The following CNTN5 variants were observed in gnomAD, a reference collection of about 807,000 sequenced individuals.
CNTN5 encodes the protein contactin 5.
CNTN5 carries 77 observed loss-of-function variants against 129.1 expected under a neutral mutation model. The ratio of observed to expected loss-of-function variants is 0.60; its 90% CI spans 0.50 to 0.72. The LOEUF is 0.72. Among genes scored for constraint, CNTN5 ranks in the 30% least tolerant of loss-of-function variants. The probability of loss-of-function intolerance (pLI) is 0.00; values close to 1 mark genes in which losing one functional copy is unlikely to be tolerated. For synonymous variants in CNTN5, 509 were observed against 465.6 expected, an observed-to-expected ratio of 1.09 and a Z score of -1.20; for missense variants, 1,478 against 1,328.8, an observed-to-expected ratio of 1.11 and a Z score of -1.75.
At chr11:99,526,780 T>C (rs539284385) in intron 2 of CNTN5, among the ~76,000 whole-genome samples, 12 of 152,362 alleles carry the variant, frequency 7.9e-5, no homozygotes, top group Non-Finnish European at 1.5e-4. Flanking sequence ...TATGTGTACA[T>C]TTGTTTTCAT....
At chr11:99,797,032 C>T (rs891201394) in intron 3 of CNTN5, among the ~76,000 whole-genome samples, 1 of 152,030 alleles carries the variant, frequency 6.6e-6, no homozygotes, top group African/African-American at 2.4e-5. Flanking sequence ...GCAGGATTCC[C>T]CATGTCCTCC....
chr11:99,410,570 A>G (rs1942347023), intron 2 of CNTN5, among the ~76,000 whole-genome samples: 1 of 151,468 alleles, frequency 6.6e-6, no homozygotes, highest in South Asian at 2.1e-4. Context: ...AAACCAGAGA[A>G]GAAGAGAGAG....
chr11:100,149,828 A>AGCTT (rs1946991488), intron 13 of CNTN5, among the ~76,000 whole-genome samples: 1 of 147,980 alleles, frequency 6.8e-6, no homozygotes, highest in African/African-American at 2.5e-5. Flanking sequence ...CATGAGGTGG[A>AGCTT]GCTTGCAGTG....
chr11:100,014,616 A>G (rs770825465), intron 9 of CNTN5, among the ~76,000 whole-genome samples: 1 of 152,122 alleles, frequency 6.6e-6, no homozygotes, highest in Non-Finnish European at 1.5e-5. Context: ...TTAAAAATAC[A>G]TAGATTTTTA....
intron 1 of CNTN5, among the ~76,000 whole-genome samples, chr11:99,177,800 A>G (rs927509816): frequency 1.3e-5 from 2 of 152,238 alleles, no homozygotes; most frequent in African/African-American, 2.4e-5. Flanking sequence ...GACCAAAACA[A>G]AGTGCAGGAT....
At chr11:99,993,569 G>C (rs753554024) in intron 8 of CNTN5, among the ~76,000 whole-genome samples, 3 of 152,036 alleles carry the variant, frequency 2.0e-5, no homozygotes, top group African/African-American at 7.2e-5. Context: ...TAGCTCCCTT[G>C]CATGCACAGT....
intron 16 of CNTN5, among the ~76,000 whole-genome samples, chr11:100,236,422 T>C (rs1239037247): frequency 6.6e-6 from 1 of 152,192 alleles, no homozygotes; most frequent in Non-Finnish European, 1.5e-5. Flanking sequence ...TTGCCATTTT[T>C]ATCAAATTTT....
chr11:99,321,803 G>GT (rs1865582798), intron 1 of CNTN5, among the ~76,000 whole-genome samples: 1 of 152,142 alleles, frequency 6.6e-6, no homozygotes, highest in African/African-American at 2.4e-5. Context: ...GATTTCTACA[G>GT]AGGTAGTAGG....
At chr11:99,658,898 A>AAG (rs1952489298) in intron 3 of CNTN5, among the ~76,000 whole-genome samples, 1 of 149,516 alleles carries the variant, frequency 6.7e-6, no homozygotes, top group Non-Finnish European at 1.5e-5. Context: ...CAAAAAAAAA[A>AAG]AAAAAAAGAA....
rs187933239 is a variant in CNTN5 at position 99,708,352 on chromosome 11, A to C, written c.56-111192A>C. 1.4e-3 allele frequency among the ~76,000 whole-genome samples: 218 copies of C among 151,958 alleles called. 1 individual carries two copies. Among genetic ancestry groups the C allele is most frequent in the African/African-American group, 5.2e-3 (215 of 41,526 alleles). On this transcript the variant is annotated intron_variant, in intron 3 of 24. Coordinates refer to ENST00000524871, the MANE Select transcript of CNTN5 (RefSeq NM_014361.4). ...AATAAGTTTACCTGTTTAATAATTT[A>C]AATGCTTTAAATACATGCATTTGAC...
At position 99,336,038 on chromosome 11, in the gene CNTN5, A is replaced by T. The variant is rs1438232306; in HGVS notation, c.-71+10554A>T. On this transcript the variant is annotated intron_variant, in intron 2 of 24. Coordinates refer to ENST00000524871, the MANE Select transcript of CNTN5 (RefSeq NM_014361.4). ...CTTCAGCCTAACCTTATTCTTGGAT[A>T]AAAAAAAAAACTTTTTGTTTTTAGA... Among the ~76,000 whole-genome samples the T allele has an allele frequency of 5.7e-5, 7 of 123,852 alleles. No individual in the cohort carries two copies. In the East Asian group the frequency reaches 1.3e-3, roughly 22 times the overall value. 81.3% of individuals were successfully genotyped at this position (123,852 alleles called of 152,430 possible). A position where few individuals can be genotyped will look rare whatever the true frequency, so the allele number is the denominator to read the frequency against.
At chr11:99,216,252 T>C (rs1379281823) in intron 1 of CNTN5, among the ~76,000 whole-genome samples, 4 of 152,170 alleles carry the variant, frequency 2.6e-5, no homozygotes, top group African/African-American at 9.7e-5. Flanking sequence ...GTGTGATATT[T>C]GTGTTTCTTT....
chr11:99,135,341 G>A (rs1288518029), intron 1 of CNTN5, among the ~76,000 whole-genome samples: 1 of 152,126 alleles, frequency 6.6e-6, no homozygotes. Flanking sequence ...AGTAACTCAT[G>A]GAGAAAAATG....
intron 3 of CNTN5, among the ~76,000 whole-genome samples, chr11:99,744,702 A>G (rs1325390353): frequency 4.2e-5 from 6 of 144,108 alleles, no homozygotes; most frequent in African/African-American, 1.5e-4. Context: ...CCTGGGCAAC[A>G]GGGTAAGACC....
chr11:99,613,254 G>A (rs1950645753), intron 3 of CNTN5, among the ~76,000 whole-genome samples: 1 of 152,140 alleles, frequency 6.6e-6, no homozygotes, highest in Admixed American at 6.5e-5. Context: ...GGTTTTCCCC[G>A]TGCTGTTCTC....
intron 13 of CNTN5, among the ~76,000 whole-genome samples, chr11:100,127,626 A>G (rs1196438595): frequency 1.3e-5 from 2 of 150,342 alleles, no homozygotes; most frequent in African/African-American, 4.9e-5. Flanking sequence ...TGGTTCATAA[A>G]CAGACTTTCT....
intron 1 of CNTN5, among the ~76,000 whole-genome samples, chr11:99,273,837 A>G (rs1287597346): frequency 6.6e-6 from 1 of 151,566 alleles, no homozygotes; most frequent in African/African-American, 2.4e-5. Context: ...CAAAGCCTAC[A>G]AGATATAAAA....
chr11:99,073,770 C>T (rs1865443366), intron 1 of CNTN5, among the ~76,000 whole-genome samples: 1 of 151,984 alleles, frequency 6.6e-6, no homozygotes. Flanking sequence ...TATATATGTG[C>T]CACATTTTCT....
At chr11:99,834,958 C>T (rs1248499511) in intron 4 of CNTN5, among the ~76,000 whole-genome samples, 1 of 152,196 alleles carries the variant, frequency 6.6e-6, no homozygotes, top group Non-Finnish European at 1.5e-5. Flanking sequence ...TGAGAGAAAG[C>T]TATCCAGAGT....
Sources: gnomAD v4.1 joint callset for allele counts (sites outside exome capture counted in the v4.1 genomes callset) on GRCh38, gnomAD v4.1.1 for gene constraint, MANE v1.5 for transcripts, NCBI Gene and HGNC (gene_info 2026-07-23, HGNC 2026-07-21) for gene names.